The following SERPINI2 variants were observed in gnomAD, a reference collection of about 807,000 sequenced individuals.
The protein encoded by SERPINI2 is serpin I2.
A neutral mutation model predicts 47.3 loss-of-function variants in SERPINI2; 48 were observed. The observed-to-expected ratio is 1.02, with a 90% confidence interval of 0.81 to 1.29. SERPINI2 has a LOEUF of 1.29. SERPINI2 is among the 50% of genes most tolerant of loss of function. The pLI, the probability that SERPINI2 is intolerant of heterozygous loss-of-function variation, is 0.00. For missense variants in SERPINI2, 448 were observed against 456.9 expected (o/e 0.98, Z 0.18); for synonymous variants, 135 against 149.3 (o/e 0.90, Z 0.70).
intron 7 of SERPINI2, among the ~76,000 whole-genome samples, chr3:167,447,465 A>C (rs943756106): frequency 2.0e-5 from 3 of 152,208 alleles, no homozygotes; most frequent in African/African-American, 7.2e-5. Context: ...CAAAATACCC[A>C]GACTGACTAT....
In SERPINI2 at chr3:167,459,087, T is replaced by G. The variant is rs184706210; in HGVS notation, c.867-6054A>C. On this transcript the variant is annotated intron_variant, in intron 5 of 8. Transcript: ENST00000264677. ...AAGGAAGTTTTTTTTTGTTTTTTTTTTTTTTGAGACGGAGTCTCGCTCTGT... is the reference window on the plus strand; with the variant it reads ...AAGGAAGTTTTTTTTTGTTTTTTTTGTTTTTGAGACGGAGTCTCGCTCTGT... Among the ~76,000 whole-genome samples the G allele has an allele frequency of 5.0e-3, 759 of 151,368 alleles. 5 individuals carry two copies. The highest frequency in any genetic ancestry group is 8.9e-3 in the Non-Finnish European group (604 of 67,780).
intron 5 of SERPINI2, among the ~76,000 whole-genome samples, chr3:167,454,881 G>A (rs1749741016): frequency 6.6e-6 from 1 of 152,164 alleles, no homozygotes; most frequent in Non-Finnish European, 1.5e-5. Context: ...AAAATCTAAG[G>A]AAGTCGGCAT....
intron 8 of SERPINI2, among the ~76,000 whole-genome samples, chr3:167,443,701 A>G (rs980751651): frequency 6.6e-6 from 1 of 152,186 alleles, no homozygotes; most frequent in African/African-American, 2.4e-5. Flanking sequence ...TGAGGACAAT[A>G]TCTTAAAATT....
intron 6 of SERPINI2, among the ~76,000 whole-genome samples, chr3:167,451,037 AAATT>A (rs1292323557): frequency 1.3e-5 from 2 of 152,218 alleles, no homozygotes; most frequent in Non-Finnish European, 2.9e-5. Context: ...CATTGTTATT[AAATT>A]AAGAGAACAA....
At chr3:167,448,653 G>A (rs986787892) in intron 7 of SERPINI2, among the ~76,000 whole-genome samples, 1 of 152,168 alleles carries the variant, frequency 6.6e-6, no homozygotes, top group Non-Finnish European at 1.5e-5. Flanking sequence ...CTCCCGAGTA[G>A]CTGGGACTAC....
intron 7 of SERPINI2, 112 bp downstream of exon 7, chr3:167,449,204 T>C: frequency 1.3e-6 from 1 of 748,714 alleles, no homozygotes; most frequent in Non-Finnish European, 2.3e-6. Context: ...CTGAAGTGTA[T>C]TAGACAGCAG....
intron 1 of SERPINI2, among the ~76,000 whole-genome samples, chr3:167,473,472 G>A (rs928947083): frequency 6.6e-6 from 1 of 151,444 alleles, no homozygotes; most frequent in Non-Finnish European, 1.5e-5. Flanking sequence ...AATGTTATTA[G>A]TACCTTTAAG....
chr3:167,447,180 T>C (rs13081388), intron 7 of SERPINI2, among the ~76,000 whole-genome samples: 29,011 of 152,140 alleles, frequency 0.19, 4,105 homozygotes, highest in African/African-American at 0.39. Context: ...AATTGAATTA[T>C]TTTGTACTGT....
intron 2 of SERPINI2, among the ~76,000 whole-genome samples, chr3:167,468,186 A>G (rs1401203641): frequency 6.6e-6 from 1 of 152,086 alleles, no homozygotes; most frequent in Non-Finnish European, 1.5e-5. Context: ...TTATATTTTC[A>G]GTTAAATACT....
At chr3:167,455,455 G>T (rs1266412963) in intron 5 of SERPINI2, among the ~76,000 whole-genome samples, 1 of 151,886 alleles carries the variant, frequency 6.6e-6, no homozygotes, top group Non-Finnish European at 1.5e-5. Context: ...CAGAGTTCTT[G>T]TTTAATGAAA....
At chr3:167,471,616 T>C in exon 2 of SERPINI2, 3 of 1,613,582 alleles carry the variant, frequency 1.9e-6, no homozygotes, top group Non-Finnish European at 2.5e-6. Context: ...GTTTTAAAGT[T>C]TGTCTTATCT....
intron 6 of SERPINI2, among the ~76,000 whole-genome samples, chr3:167,451,969 C>G (rs554439973): frequency 1.3e-5 from 2 of 152,086 alleles, no homozygotes; most frequent in Non-Finnish European, 2.9e-5. Context: ...AGTGTGAGAA[C>G]GAGTAGCTAC....
At chr3:167,468,806 G>A (rs1470587254) in intron 2 of SERPINI2, among the ~76,000 whole-genome samples, 2 of 152,154 alleles carry the variant, frequency 1.3e-5, no homozygotes, top group African/African-American at 4.8e-5. Flanking sequence ...TACAGAAAAG[G>A]CTTTCTGAGT....
intron 8 of SERPINI2, among the ~76,000 whole-genome samples, chr3:167,443,255 C>T (rs1341711989): frequency 6.6e-6 from 1 of 151,986 alleles, no homozygotes; most frequent in Non-Finnish European, 1.5e-5. Flanking sequence ...CTATAGGTGC[C>T]CGCCACCACG....
In SERPINI2 at chr3:167,455,359, T is replaced by A. The variant is rs573766840; in HGVS notation, c.867-2326A>T. 5.3e-5 allele frequency among the ~76,000 whole-genome samples: 8 copies of A among 152,156 alleles called. No homozygotes were observed. The South Asian group carries it at 1.5e-3, about 28-fold the overall frequency. ...AAAGCTGCAGAAAAATGAAAAACAA[T>A]CCCAATTTTTGTTTTAAGAATGACC... On this transcript the variant is annotated intron_variant, in intron 5 of 8. Coordinates refer to ENST00000264677, the Ensembl canonical transcript of SERPINI2.
chr3:167,450,818 A>T (rs1749620133), intron 6 of SERPINI2, among the ~76,000 whole-genome samples: 2 of 152,118 alleles, frequency 1.3e-5, no homozygotes, highest in African/African-American at 4.8e-5. Flanking sequence ...CCAGTTTAGC[A>T]ATGGCACCAG....
At chr3:167,465,442 CAA>C (rs769249145) in intron 4 of SERPINI2, 35 bp downstream of exon 4, 1 of 1,606,092 alleles carries the variant, frequency 6.2e-7, no homozygotes, top group South Asian at 1.1e-5. Context: ...TGGCAATTCT[CAA>C]GACTATGCTT....
intron 2 of SERPINI2, 138 bp from the exon 3 acceptor site, chr3:167,467,423 A>C: frequency 1.7e-6 from 1 of 587,998 alleles, no homozygotes; most frequent in Non-Finnish European, 3.0e-6. Context: ...CTTCAAAGTT[A>C]GTATAAATAT....
chr3:167,442,211 T>A (rs1056799950), intron 8 of SERPINI2, 26 bp from the exon 9 acceptor site: 1 of 1,509,250 alleles, frequency 6.6e-7, no homozygotes, highest in Non-Finnish European at 9.0e-7. Context: ...CAAAAAAATA[T>A]ACTTTAGGAA....
Sources: gnomAD v4.1 joint callset for allele counts (sites outside exome capture counted in the v4.1 genomes callset) on GRCh38, gnomAD v4.1.1 for gene constraint, MANE v1.5 for transcripts, NCBI Gene and HGNC (gene_info 2026-07-23, HGNC 2026-07-21) for gene names.